The following MUC4 variants were observed in gnomAD, a reference collection of about 807,000 sequenced individuals.
The protein encoded by MUC4 is mucin-4.
MUC4 carries 202 observed loss-of-function variants against 257.9 expected under a neutral mutation model. The ratio of observed to expected loss-of-function variants is 0.78; its 90% CI spans 0.70 to 0.88. MUC4 has a LOEUF of 0.88. MUC4 is among the 40% of genes least tolerant of loss of function. The probability of loss-of-function intolerance (pLI) is 0.00; values close to 1 mark genes in which losing one functional copy is unlikely to be tolerated. For synonymous variants in MUC4, 2,351 were observed against 2,757.1 expected (o/e 0.85, Z 4.62); for missense variants, 5,976 against 6,513.7 (o/e 0.92, Z 2.84).
rs760231230 is a variant in MUC4, at chr3:195,786,354, G to C, written c.5226C>G (p.Ala1742=). 18 of 1,529,790 alleles carry C rather than the reference G, an allele frequency of 1.2e-5. 1 individual carries two copies. The highest frequency in any genetic ancestry group is 2.2e-4 in the Middle Eastern group (1 of 4,474). 94.8% of individuals were successfully genotyped at this position (1,529,790 alleles called of 1,614,324 possible). A position where few individuals can be genotyped will look rare whatever the true frequency, so the allele number is the denominator to read the frequency against. ...TSPSSASTGH[A]SPLLVTDASS... Reference sequence around the variant, plus strand: ...AAGCGTCAGTGACAAGAAGAGGGCTGGCGTGACCTGTGGATGCTGAGGAAG... The same window carrying C: ...AAGCGTCAGTGACAAGAAGAGGGCTCGCGTGACCTGTGGATGCTGAGGAAG... Residue 1742 remains alanine, a synonymous_variant, in exon 2 of 25, where the codon GCC becomes GCG. Transcript: ENST00000463781.
chr3:195,786,642 G>A lies in MUC4; in HGVS notation c.4938C>T (p.Ala1646=), dbSNP rs1185254034. The A allele has an allele frequency of 1.6e-5, 24 of 1,530,314 alleles. No homozygotes were observed. Among genetic ancestry groups the A allele is most frequent in the Admixed American group, 1.0e-4 (5 of 50,102 alleles). The allele number at this position is 1,530,314 out of a possible 1,614,324, so 94.8% of individuals were successfully genotyped here. Residue 1646 remains alanine (A), a synonymous_variant, in exon 2 of 25, where the codon GCC becomes GCT. Transcript: ENST00000463781. ...AAGGGCTGGTGACATGAAGAGGGGTGGCGTGACCTGTGGATAATGAGGAAG... is the reference window on the plus strand; with the variant it reads ...AAGGGCTGGTGACATGAAGAGGGGTAGCGTGACCTGTGGATAATGAGGAAG... ...TNASSLSTGH[A]TPLHVTSPSS...
intron 7 of MUC4, among the ~76,000 whole-genome samples, chr3:195,767,516 T>TCACCAC (rs1277281060): frequency 1.5e-4 from 9 of 59,294 alleles, no homozygotes; most frequent in East Asian, 6.2e-4. Flanking sequence ...ACCATCACCA[T>TCACCAC]CACCACCACC....
chr3:195,762,030 G>A, intron 14 of MUC4, 57 bp downstream of exon 14: 2 of 1,524,204 alleles, frequency 1.3e-6, no homozygotes, highest in East Asian at 2.4e-5. Context: ...CCGGCGTGGG[G>A]GTCCGAGCTC....
At chr3:195,767,480 T>TCACCACCACCATCAC (rs1720870971) in intron 7 of MUC4, among the ~76,000 whole-genome samples, 1 of 44,936 alleles carries the variant, frequency 2.2e-5, no homozygotes, top group Non-Finnish European at 5.4e-5. Flanking sequence ...ACCATCACCA[T>TCACCACCACCATCAC]CACCACCACC....
At position 195,781,696 on chromosome 3, in the gene MUC4, G is replaced by C. The variant is rs1371263144; in HGVS notation, c.9884C>G (p.Thr3295Ser). 2.2e-6 allele frequency: 3 copies of C among 1,378,054 alleles called. No individual in the cohort carries two copies. Among genetic ancestry groups the C allele is most frequent in the Non-Finnish European group, 9.8e-7 (1 of 1,017,638 alleles). The allele number at this position is 1,378,054 out of a possible 1,614,324, so 85.4% of individuals were successfully genotyped here. The change falls in exon 2 of 25, where the codon ACC becomes AGC. Residue 3295 changes from threonine (T) to serine (S), a missense_variant. Coordinates refer to ENST00000463781, the MANE Select transcript of MUC4 (RefSeq NM_018406.7). ...DTSSSSTGDTTPLLVTETSSV... is the reference protein window; with the variant it reads ...DTSSSSTGDTSPLLVTETSSV... ...GGAAGTCTCGGTGACAAGAAGAGGG[G>C]TGGTGTCACCTGTGGATGATGAGGA...
chr3:195,803,066 C>T (rs1560419687), intron 1 of MUC4, among the ~76,000 whole-genome samples: 2 of 152,170 alleles, frequency 1.3e-5, no homozygotes, highest in Non-Finnish European at 2.9e-5. Flanking sequence ...TACTCCCTTC[C>T]ATTTCTCTGC....
rs373656913 is a variant in MUC4, at chr3:195,791,196, G to A, written c.384C>T (p.Thr128=). Residue 128 remains threonine, a synonymous_variant, in exon 2 of 25, where the codon ACC becomes ACT. Transcript: ENST00000463781. ...TCTTTGATGTCATCATGAGTGTGTTGGTGACACTGGAGGGAAATGATGTGG... is the reference window on the plus strand; with the variant it reads ...TCTTTGATGTCATCATGAGTGTGTTAGTGACACTGGAGGGAAATGATGTGG... ...EMTTSFPSSV[T]NTLMMTSKTI... 1 of 1,613,380 alleles carries A rather than the reference G, an allele frequency of 6.2e-7. No individual in the cohort carries two copies.
intron 1 of MUC4, among the ~76,000 whole-genome samples, chr3:195,795,132 A>T (rs1734411783): frequency 6.6e-6 from 1 of 152,230 alleles, no homozygotes; most frequent in African/African-American, 2.4e-5. Flanking sequence ...GTTTAAATTT[A>T]AAAACATTCT....
chr3:195,798,660 C>T (rs1308322537), intron 1 of MUC4, among the ~76,000 whole-genome samples: 4 of 151,998 alleles, frequency 2.6e-5, no homozygotes, highest in Admixed American at 2.0e-4. Context: ...GCCGAGATTG[C>T]ACCACTGCAC....
At chr3:195,751,798 G>C in intron 21 of MUC4, 1 of 200,934 alleles carries the variant, frequency 5.0e-6, no homozygotes, top group Non-Finnish European at 1.0e-5. Context: ...TGTGTGTCAG[G>C]CACTGGACTA....
At position 195,789,654 on chromosome 3, in the gene MUC4, G is replaced by A. The variant is rs745320202; in HGVS notation, c.1926C>T (p.Ala642=). The A allele has an allele frequency of 2.5e-6, 4 of 1,614,022 alleles. No individual in the cohort carries two copies. The highest frequency in any genetic ancestry group is 3.4e-6 in the Non-Finnish European group (4 of 1,179,884). The stretch of plus-strand genomic sequence containing the variant: ...TTTGTGATTCTTGTGTGGTCTGCGG[G>A]GCTTGAGTGTGACCCCTTTGGGAAA... ...PAVSQRGHTQ[A]PQTTQESQTT... The change falls in exon 2 of 25, where the codon GCC becomes GCT. Residue 642 remains alanine, a synonymous_variant. Coordinates refer to ENST00000463781, the MANE Select transcript of MUC4 (RefSeq NM_018406.7).
rs745661294 is a variant in MUC4 at position 195,788,732 on chromosome 3, G to A, written c.2848C>T (p.Pro950Ser). 4.3e-6 allele frequency: 7 copies of A among 1,611,610 alleles called. No homozygotes were observed. Among genetic ancestry groups the A allele is most frequent in the South Asian group, 1.1e-5 (1 of 90,876 alleles). ...PSITSTGLTSPQTETHTLSPS... is the reference protein window; with the variant it reads ...PSITSTGLTSSQTETHTLSPS... ...GACAGAGTGTGGGTCTCGGTTTGTG[G>A]AGATGTAAGCCCAGTGGATGTGATC... Residue 950 changes from proline (P) to serine (S), a missense_variant, in exon 2 of 25, where the codon CCA (proline) becomes TCA (serine). This residue lies in a region of MUC4 where 1,583 missense variants were observed against 1,257.4 expected (regional missense o/e 1.26). Coordinates refer to ENST00000463781, the MANE Select transcript of MUC4 (RefSeq NM_018406.7).
intron 1 of MUC4, among the ~76,000 whole-genome samples, chr3:195,799,202 G>A (rs1734966203): frequency 2.0e-5 from 3 of 150,810 alleles, no homozygotes; most frequent in African/African-American, 7.4e-5. Flanking sequence ...TGCCCGTTCT[G>A]TGTGTTGCTA....
At chr3:195,770,567 A>AG in intron 5 of MUC4, 196 bp from the exon 6 acceptor site, 1 of 629,310 alleles carries the variant, frequency 1.6e-6, no homozygotes, top group East Asian at 2.7e-5. Flanking sequence ...GAAGGCCTGC[A>AG]GTGTGCAGAA....
At chr3:195,752,260 TG>T in intron 21 of MUC4, 112 bp downstream of exon 21, 1 of 1,027,240 alleles carries the variant, frequency 9.7e-7, no homozygotes, top group Non-Finnish European at 1.5e-6. Context: ...CGGCCTCCTC[TG>T]GCAGTTGAAT....
chr3:195,778,092 C>T (rs1725405014), intron 3 of MUC4, among the ~76,000 whole-genome samples: 1 of 152,252 alleles, frequency 6.6e-6, no homozygotes, highest in Non-Finnish European at 1.5e-5. Flanking sequence ...CTATCCCTTG[C>T]TGAATGGCAC....
intron 18 of MUC4, among the ~76,000 whole-genome samples, chr3:195,754,829 T>C (rs1398299068): frequency 1.3e-5 from 2 of 151,878 alleles, no homozygotes; most frequent in African/African-American, 2.4e-5. Flanking sequence ...TGTGTATCCA[T>C]GTGTGTATGT....
chr3:195,753,671 C>A (rs1032263642), intron 19 of MUC4: 2 of 219,442 alleles, frequency 9.1e-6, no homozygotes, highest in Non-Finnish European at 1.8e-5. Context: ...TCGCTGTGAT[C>A]TCCCTCATCA....
At chr3:195,802,693 G>A (rs76957925) in intron 1 of MUC4, among the ~76,000 whole-genome samples, 4 of 152,210 alleles carry the variant, frequency 2.6e-5, no homozygotes, top group East Asian at 3.9e-4. Context: ...AATGACCTTC[G>A]TCTGGTTGTG....
Sources: gnomAD v4.1 joint callset for allele counts (sites outside exome capture counted in the v4.1 genomes callset) on GRCh38, gnomAD v4.1.1 for gene constraint, gnomAD v4.1.1 regional missense constraint, MANE v1.5 for transcripts, NCBI Gene and HGNC (gene_info 2026-07-23, HGNC 2026-07-21) for gene names.